The following SKAP2 variants were observed in gnomAD, a reference collection of about 807,000 sequenced individuals.
SKAP2 encodes the protein src kinase associated phosphoprotein 2, also known as src kinase-associated phosphoprotein 2.
Under a neutral mutation model 54.9 loss-of-function variants are expected in SKAP2, and 28 were observed. The observed-to-expected ratio is 0.51, with a 90% CI of 0.38 to 0.70. The LOEUF is 0.70. SKAP2 is among the 30% of genes least tolerant of loss of function. The pLI is 0.00. For missense variants in SKAP2, 356 were observed against 424.1 expected (o/e 0.84, Z 1.41); for synonymous variants, 137 against 134.3 (o/e 1.02, Z -0.14).
At chr7:26,730,505 A>G (rs1037400693) in intron 6 of SKAP2, among the ~76,000 whole-genome samples, 2 of 152,198 alleles carry the variant, frequency 1.3e-5, no homozygotes, top group African/African-American at 4.8e-5. Context: ...TCTTTTAAAC[A>G]TAACATTTTT....
intron 4 of SKAP2, among the ~76,000 whole-genome samples, chr7:26,831,000 G>A (rs371281977): frequency 1.3e-5 from 2 of 152,280 alleles, no homozygotes; most frequent in Non-Finnish European, 2.9e-5. Context: ...GTTCTTGAAT[G>A]AGAATTATGA....
chr7:26,670,690 CT>C (rs1407822180), intron 11 of SKAP2, among the ~76,000 whole-genome samples: 1 of 128,414 alleles, frequency 7.8e-6, no homozygotes, highest in Admixed American at 7.8e-5. Context: ...TGTGCCCCTT[CT>C]TAAGAAAATC....
chr7:26,733,465 C>A, intron 6 of SKAP2, among the ~76,000 whole-genome samples: 1 of 151,760 alleles, frequency 6.6e-6, no homozygotes, highest in Non-Finnish European at 1.5e-5. Context: ...GTTGTTGTTA[C>A]AAAACAACAG....
intron 4 of SKAP2, among the ~76,000 whole-genome samples, chr7:26,801,976 C>T (rs1783924611): frequency 6.6e-6 from 1 of 152,060 alleles, no homozygotes; most frequent in Non-Finnish European, 1.5e-5. Flanking sequence ...ATACCAATGA[C>T]ATTCTTCCCC....
intron 9 of SKAP2, among the ~76,000 whole-genome samples, chr7:26,706,248 T>C (rs1787153098): frequency 6.6e-6 from 1 of 152,158 alleles, no homozygotes; most frequent in African/African-American, 2.4e-5. Context: ...TTGCCAATAT[T>C]TTCCTAATTT....
rs1022064091 is a variant in SKAP2 at position 26,668,340 on chromosome 7, C to T, written c.*1326G>A. 3.9e-5 allele frequency: 6 copies of T among 152,182 alleles called. No individual in the cohort carries two copies. The highest frequency in any genetic ancestry group is 7.3e-5 in the Non-Finnish European group (5 of 68,040). The allele number at this position is 152,182 out of a possible 1,614,324, so 9.4% of individuals were successfully genotyped here. ...ACATATGTTAAGGCTACATTGGTAT[C>T]TCATAGGTATTTTAAACACCTCTGA... On this transcript the variant is annotated 3_prime_UTR_variant, in exon 13 of 13. Transcript: ENST00000345317.
intron 9 of SKAP2, among the ~76,000 whole-genome samples, chr7:26,717,860 A>G (rs1358915622): frequency 6.6e-6 from 1 of 151,316 alleles, no homozygotes; most frequent in Non-Finnish European, 1.5e-5. Flanking sequence ...AAAATAATTA[A>G]ATTTTTAAAA....
intron 4 of SKAP2, among the ~76,000 whole-genome samples, chr7:26,830,787 A>C (rs1784579838): frequency 6.6e-6 from 1 of 152,168 alleles, no homozygotes; most frequent in African/African-American, 2.4e-5. Context: ...TACTTTGATA[A>C]GCACATGTGA....
At chr7:26,695,351 T>C (rs1243748914) in intron 9 of SKAP2, among the ~76,000 whole-genome samples, 1 of 152,224 alleles carries the variant, frequency 6.6e-6, no homozygotes, top group Non-Finnish European at 1.5e-5. Flanking sequence ...GTTCACATTA[T>C]ATGCATTTAT....
rs1786178644 is a variant in SKAP2, at chr7:26,669,187, T to G, written c.*479A>C. 1.3e-5 allele frequency: 2 copies of G among 152,208 alleles called. No individual in the cohort carries two copies. The highest frequency in any genetic ancestry group is 4.8e-5 in the African/African-American group (2 of 41,460). 9.4% of individuals were successfully genotyped at this position (152,208 alleles called of 1,614,324 possible). ...TTGAACATTCTTTAGCATTCTTTGT[T>G]TAGCAACCACATTCTTCAGCATCTA... On this transcript the variant is annotated 3_prime_UTR_variant, in exon 13 of 13. Transcript: ENST00000345317.
At chr7:26,658,102 T>C in the SKAP2 span, among the ~76,000 whole-genome samples, 2 of 152,178 alleles carry the variant, frequency 1.3e-5, no homozygotes, top group Non-Finnish European at 2.9e-5. Flanking sequence ...TCATCTTCTC[T>C]TTGCCGCATG....
intron 9 of SKAP2, among the ~76,000 whole-genome samples, chr7:26,709,924 T>C (rs1360293366): frequency 6.6e-6 from 1 of 152,170 alleles, no homozygotes; most frequent in Non-Finnish European, 1.5e-5. Flanking sequence ...ATTTCCTAAG[T>C]TTATTTGAGA....
chr7:26,809,771 A>G (rs1784102131), intron 4 of SKAP2, among the ~76,000 whole-genome samples: 1 of 152,246 alleles, frequency 6.6e-6, no homozygotes, highest in Admixed American at 6.5e-5. Flanking sequence ...TCCAAAAGAT[A>G]CAAAATCAGT....
intron 4 of SKAP2, among the ~76,000 whole-genome samples, chr7:26,749,565 C>A (rs73079524): frequency 0.1 from 15,323 of 151,730 alleles, 917 homozygotes; most frequent in Non-Finnish European, 0.15. Flanking sequence ...CTAGGTAACA[C>A]AGCAACACCC....
chr7:26,767,345 C>T (rs11982048), intron 4 of SKAP2, among the ~76,000 whole-genome samples: 65,260 of 151,780 alleles, frequency 0.43, 14,478 homozygotes, highest in Middle Eastern at 0.49. Context: ...TGTGTCTATT[C>T]GATTCTCTTC....
chr7:26,718,022 T>TATACATAC (rs755874393), intron 9 of SKAP2, among the ~76,000 whole-genome samples: 33 of 151,844 alleles, frequency 2.2e-4, no homozygotes, highest in African/African-American at 6.3e-4. Context: ...ATTATATATA[T>TATACATAC]ATACATACAT....
intron 11 of SKAP2, among the ~76,000 whole-genome samples, chr7:26,679,980 G>T (rs1786451166): frequency 6.6e-6 from 1 of 152,096 alleles, no homozygotes; most frequent in Admixed American, 6.6e-5. Flanking sequence ...TCCTGTGTTT[G>T]ACTTAATAAA....
intron 4 of SKAP2, among the ~76,000 whole-genome samples, chr7:26,783,093 C>T (rs913216590): frequency 1.3e-5 from 2 of 152,202 alleles, no homozygotes; most frequent in African/African-American, 4.8e-5. Context: ...CTGTCACTCG[C>T]ATGTCCCCAA....
At chr7:26,784,034 T>C (rs761155973) in intron 4 of SKAP2, among the ~76,000 whole-genome samples, 1 of 151,298 alleles carries the variant, frequency 6.6e-6, no homozygotes, top group African/African-American at 2.4e-5. Flanking sequence ...AGCATTAAAA[T>C]AGTCAGCTGC....
Sources: allele counts gnomAD v4.1 joint callset (sites outside exome capture counted in the v4.1 genomes callset), GRCh38; gene constraint gnomAD v4.1.1; transcripts MANE v1.5; gene names NCBI Gene and HGNC (gene_info 2026-07-23, HGNC 2026-07-21).